PRCP: variants seen among roughly 807,000 people sequenced by gnomAD.
PRCP encodes the protein prolylcarboxypeptidase, also known as lysosomal Pro-X carboxypeptidase.
In PRCP, 46 loss-of-function variants were observed where a neutral mutation model predicts 54.2. The observed-to-expected ratio is 0.85, with a 90% confidence interval of 0.67 to 1.09. The LOEUF (loss-of-function observed/expected upper bound fraction) is 1.09. Among genes scored for constraint, PRCP ranks in the 50% least tolerant of loss-of-function variants. The pLI, the probability that PRCP is intolerant of heterozygous loss-of-function variation, is 0.00. For missense variants in PRCP, 613 were observed against 596.8 expected (o/e 1.03, Z -0.28); for synonymous variants, 240 against 212.2 (o/e 1.13, Z -1.14).
chr11:82,857,779 G>C (rs962859969), intron 2 of PRCP, among the ~76,000 whole-genome samples: 1 of 152,154 alleles, frequency 6.6e-6, no homozygotes, highest in Non-Finnish European at 1.5e-5. Context: ...ATTTGTGATG[G>C]TTTCAATAAC....
At chr11:82,859,948 G>T in intron 2 of PRCP, 29 bp downstream of exon 2, 1 of 1,526,480 alleles carries the variant, frequency 6.6e-7, no homozygotes, top group South Asian at 1.3e-5. Flanking sequence ...GTCAAATTGA[G>T]CACTGGAATT....
chr11:82,849,346 C>T, intron 5 of PRCP, 128 bp from the exon 6 acceptor site: 1 of 1,044,836 alleles, frequency 9.6e-7, no homozygotes, highest in Non-Finnish European at 1.3e-6. Flanking sequence ...AGGATATTTT[C>T]AGAGCAACTG....
chr11:82,849,308 A>C (rs1262936617), intron 5 of PRCP, 90 bp from the exon 6 acceptor site: 2 of 1,410,276 alleles, frequency 1.4e-6, no homozygotes, highest in Non-Finnish European at 1.9e-6. Flanking sequence ...GTATTTTAGA[A>C]AACTCAATCT....
At chr11:82,834,920 C>T (rs957545660) in intron 8 of PRCP, among the ~76,000 whole-genome samples, 5 of 152,150 alleles carry the variant, frequency 3.3e-5, no homozygotes, top group African/African-American at 1.2e-4. Context: ...ACTAAAAATG[C>T]AAAAATTAGC....
chr11:82,880,565 C>T (rs762698164), intron 1 of PRCP, among the ~76,000 whole-genome samples: 13 of 152,152 alleles, frequency 8.5e-5, no homozygotes, highest in Non-Finnish European at 1.6e-4. Context: ...GAACCCAGTA[C>T]CTCAGTTGGA....
intron 6 of PRCP, 130 bp from the exon 7 acceptor site, chr11:82,839,555 T>C (rs1198461866): frequency 1.2e-5 from 12 of 981,064 alleles, no homozygotes; most frequent in Non-Finnish European, 1.2e-5. Context: ...CTGCAGTGTT[T>C]AATTTCTCTC....
At chr11:82,884,220 G>A (rs1859814674) in intron 1 of PRCP, among the ~76,000 whole-genome samples, 2 of 152,170 alleles carry the variant, frequency 1.3e-5, no homozygotes. Flanking sequence ...TCACAATGAT[G>A]CTGGCCAAAC....
chr11:82,852,767 T>A (rs1019601610), intron 3 of PRCP, among the ~76,000 whole-genome samples: 3 of 152,230 alleles, frequency 2.0e-5, no homozygotes, highest in African/African-American at 7.2e-5. Context: ...CTTATTTTAT[T>A]GATTTTATTT....
chr11:82,849,261 C>A (rs748037377), intron 5 of PRCP, 43 bp from the exon 6 acceptor site: 2 of 1,594,344 alleles, frequency 1.3e-6, no homozygotes, highest in Admixed American at 1.7e-5. Context: ...AAGTACTGGT[C>A]AACAGATGTC....
chr11:82,882,645 G>A (rs1385324199), intron 1 of PRCP, among the ~76,000 whole-genome samples: 5 of 150,096 alleles, frequency 3.3e-5, no homozygotes, highest in South Asian at 2.1e-4. Context: ...ACAGGCGCCC[G>A]CCACTACGCC....
At chr11:82,885,880 G>A (rs538205803) in intron 1 of PRCP, among the ~76,000 whole-genome samples, 1 of 152,272 alleles carries the variant, frequency 6.6e-6, no homozygotes, top group South Asian at 2.1e-4. Context: ...CCAAGCTTCA[G>A]GAGAGAAAGT....
intron 3 of PRCP, among the ~76,000 whole-genome samples, chr11:82,852,127 C>T (rs1260234169): frequency 6.6e-6 from 1 of 152,180 alleles, no homozygotes; most frequent in Admixed American, 6.5e-5. Flanking sequence ...CTAACTGCTT[C>T]CCAGTGGTTT....
rs139423476 is a variant in PRCP at position 82,856,775 on chromosome 11, G to A, written c.309+3202C>T. On this transcript the variant is annotated intron_variant, in intron 2 of 8. Transcript: ENST00000313010. Reference sequence around the variant, plus strand: ...AACTTTAAAAAAAAATGGGCCAGGCGCAGTCGCTCACGCCTGTAATCCCAA... The same window carrying A: ...AACTTTAAAAAAAAATGGGCCAGGCACAGTCGCTCACGCCTGTAATCCCAA... Among the ~76,000 whole-genome samples, 82 of 152,214 alleles carry A rather than the reference G, an allele frequency of 5.4e-4. 1 individual carries two copies. The highest frequency in any genetic ancestry group is 1.8e-3 in the African/African-American group (74 of 41,526).
intron 1 of PRCP, among the ~76,000 whole-genome samples, chr11:82,865,106 A>C (rs554359828): frequency 6.6e-6 from 1 of 152,282 alleles, no homozygotes; most frequent in South Asian, 2.1e-4. Context: ...ACCCAGTTTT[A>C]AAATAAGAAG....
intron 1 of PRCP, among the ~76,000 whole-genome samples, chr11:82,871,638 G>A (rs61902270): frequency 0.023 from 3,565 of 152,218 alleles, 79 homozygotes; most frequent in South Asian, 0.099. Context: ...CGTTTCTCAC[G>A]AACAGGAGTT....
At position 82,849,353 on chromosome 11, in the gene PRCP, A is replaced by G. The variant is rs13306598; in HGVS notation, c.752-135T>C. On this transcript the variant is annotated intron_variant, in intron 5 of 8. Transcript: ENST00000313010. Reference sequence around the variant, plus strand: ...CTTCTCCCAGGATATTTTCAGAGCAACTGGAGAATCCCATGACAGACAAGT... The same window carrying G: ...CTTCTCCCAGGATATTTTCAGAGCAGCTGGAGAATCCCATGACAGACAAGT... 24 of 987,072 alleles carry G rather than the reference A, an allele frequency of 2.4e-5. No homozygotes were observed. In the East Asian group the frequency reaches 6.1e-4, roughly 25 times the overall value. The allele number at this position is 987,072 out of a possible 1,614,324, so 61.1% of individuals were successfully genotyped here.
At chr11:82,834,728 AAC>A (rs1858475185) in intron 8 of PRCP, among the ~76,000 whole-genome samples, 1 of 152,210 alleles carries the variant, frequency 6.6e-6, no homozygotes, top group Admixed American at 6.5e-5. Context: ...GGAGGGGAAC[AAC>A]ACACACTGGG....
At chr11:82,881,654 C>T (rs1300453194) in intron 1 of PRCP, among the ~76,000 whole-genome samples, 1 of 152,118 alleles carries the variant, frequency 6.6e-6, no homozygotes, top group Admixed American at 6.5e-5. Context: ...ATGGTACAAA[C>T]TGGTAACCCT....
rs562630830 is a variant in PRCP at position 82,830,718 on chromosome 11, T to C, written c.1275-5596A>G. The C allele has an allele frequency of 2.9e-5, 4 of 140,032 alleles. No homozygotes were observed. In the South Asian group the frequency reaches 6.7e-4, roughly 23 times the overall value. 8.7% of individuals were successfully genotyped at this position (140,032 alleles called of 1,614,324 possible). A position where few individuals can be genotyped will look rare whatever the true frequency, so the allele number is the denominator to read the frequency against. On this transcript the variant is annotated intron_variant, in intron 8 of 8. Transcript: ENST00000313010. Reference sequence around the variant, plus strand: ...AACAAAAAGGAACACTCATGTAAAATAGAAGCCTTAGTTTTCAACTACCAG... The same window carrying C: ...AACAAAAAGGAACACTCATGTAAAACAGAAGCCTTAGTTTTCAACTACCAG...
Sources: gnomAD v4.1 joint callset for allele counts (sites outside exome capture counted in the v4.1 genomes callset) on GRCh38, gnomAD v4.1.1 for gene constraint, MANE v1.5 for transcripts, NCBI Gene and HGNC (gene_info 2026-07-23, HGNC 2026-07-21) for gene names.